Variants in FAM13C observed in about 807,000 individuals in gnomAD.
The protein encoded by FAM13C is protein FAM13C.
In FAM13C, 37 loss-of-function variants were observed where a neutral mutation model predicts 73.2. That is an observed-to-expected ratio of 0.51 (90% confidence interval 0.39 to 0.67). The LOEUF (loss-of-function observed/expected upper bound fraction) is 0.67, where lower values mean the gene tolerates loss of function less well. FAM13C is among the 30% of genes least tolerant of loss of function. The pLI is 0.00. For missense variants in FAM13C, 589 were observed against 715.6 expected (o/e 0.82, Z 2.02); for synonymous variants, 246 against 260.9 (o/e 0.94, Z 0.55).
chr10:59,346,096 T>A (rs1241279497), intron 3 of FAM13C, among the ~76,000 whole-genome samples: 1 of 152,208 alleles, frequency 6.6e-6, no homozygotes, highest in Non-Finnish European at 1.5e-5. Flanking sequence ...CTGGTTTTCT[T>A]GCTTTTACTG....
At chr10:59,343,674 C>T (rs779203891) in intron 3 of FAM13C, among the ~76,000 whole-genome samples, 6 of 152,180 alleles carry the variant, frequency 3.9e-5, no homozygotes, top group Non-Finnish European at 8.8e-5. Context: ...AAAAATCTTG[C>T]TCTCTAACTT....
intron 4 of FAM13C, among the ~76,000 whole-genome samples, chr10:59,310,991 G>A (rs1018757387): frequency 2.6e-5 from 4 of 152,180 alleles, no homozygotes; most frequent in Non-Finnish European, 4.4e-5. Flanking sequence ...TGGCTAAAAC[G>A]TGCAAGGGAG....
chr10:59,279,766 G>T, intron 6 of FAM13C, among the ~76,000 whole-genome samples: 1 of 152,234 alleles, frequency 6.6e-6, no homozygotes, highest in Middle Eastern at 3.2e-3. Context: ...GATAGAGTTA[G>T]AGGTATTTTG....
intron 5 of FAM13C, among the ~76,000 whole-genome samples, chr10:59,289,582 G>A (rs568675888): frequency 7.9e-5 from 12 of 152,286 alleles, no homozygotes; most frequent in Middle Eastern, 3.4e-3. Context: ...CCCCTTCCTC[G>A]TGGGGCTTCC....
At chr10:59,267,202 G>A (rs181581561) in intron 8 of FAM13C, among the ~76,000 whole-genome samples, 1 of 152,194 alleles carries the variant, frequency 6.6e-6, no homozygotes, top group African/African-American at 2.4e-5. Flanking sequence ...CCAATACGAG[G>A]ACATCATAGA....
intron 2 of FAM13C, among the ~76,000 whole-genome samples, chr10:59,354,731 G>GT (rs1855499843): frequency 6.6e-6 from 1 of 152,030 alleles, no homozygotes; most frequent in African/African-American, 2.4e-5. Flanking sequence ...GTTCTTTTTG[G>GT]TTTCTCTGAT....
intron 5 of FAM13C, among the ~76,000 whole-genome samples, chr10:59,302,224 C>T (rs1589522664): frequency 6.6e-6 from 1 of 152,186 alleles, no homozygotes; most frequent in African/African-American, 2.4e-5. Context: ...AATTATATTA[C>T]ATTAATTTCA....
At chr10:59,341,604 G>A (rs138609706) in intron 3 of FAM13C, among the ~76,000 whole-genome samples, 2,421 of 152,226 alleles carry the variant, frequency 0.016, 38 homozygotes, top group Non-Finnish European at 0.023. Context: ...CAGGAGAATC[G>A]CTTGAACCCG....
intron 6 of FAM13C, among the ~76,000 whole-genome samples, chr10:59,270,758 A>G (rs889470284): frequency 1.3e-5 from 2 of 152,232 alleles, no homozygotes; most frequent in South Asian, 2.1e-4. Context: ...TAAAAGATCA[A>G]AGAGGTTACA....
intron 5 of FAM13C, among the ~76,000 whole-genome samples, chr10:59,294,456 C>A (rs1028291054): frequency 6.6e-6 from 1 of 152,166 alleles, no homozygotes; most frequent in Non-Finnish European, 1.5e-5. Flanking sequence ...AGCCCAACAC[C>A]TCTGATGCTT....
Position 59,248,522 on chromosome 10 carries a change from C to T in FAM13C, c.1635-785G>A, listed in dbSNP as rs550177021. ...AAACGTTTTCTAAAGGGAAAAATTGCGACAGGGTCTCAGAAGGCTCTTGTT... is the reference window on the plus strand; with the variant it reads ...AAACGTTTTCTAAAGGGAAAAATTGTGACAGGGTCTCAGAAGGCTCTTGTT... On this transcript the variant is annotated intron_variant, in intron 13 of 13. Coordinates refer to ENST00000618804, the MANE Select transcript of FAM13C (RefSeq NM_198215.4). Among the ~76,000 whole-genome samples the T allele has an allele frequency of 8.5e-5, 13 of 152,204 alleles. No individual in the cohort carries two copies. The East Asian group carries it at 1.4e-3, about 16-fold the overall frequency.
intron 4 of FAM13C, among the ~76,000 whole-genome samples, chr10:59,309,847 A>G (rs936503821): frequency 6.6e-6 from 1 of 152,196 alleles, no homozygotes; most frequent in Non-Finnish European, 1.5e-5. Context: ...AGGCACTCAT[A>G]TGTTTGTAAA....
At chr10:59,329,267 G>T (rs1851603736) in intron 3 of FAM13C, among the ~76,000 whole-genome samples, 1 of 150,498 alleles carries the variant, frequency 6.6e-6, no homozygotes, top group African/African-American at 2.4e-5. Context: ...GCAGGCATAG[G>T]CTCAAAATCC....
intron 3 of FAM13C, among the ~76,000 whole-genome samples, chr10:59,345,845 G>A (rs1201718431): frequency 6.6e-6 from 1 of 152,168 alleles, no homozygotes; most frequent in African/African-American, 2.4e-5. Context: ...AGTAAAACAT[G>A]TAAACTGGAG....
At chr10:59,296,215 G>A (rs1043558528) in intron 5 of FAM13C, among the ~76,000 whole-genome samples, 1 of 152,130 alleles carries the variant, frequency 6.6e-6, no homozygotes, top group Non-Finnish European at 1.5e-5. Context: ...GCTTGACATG[G>A]TTTGATGCCA....
intron 4 of FAM13C, among the ~76,000 whole-genome samples, chr10:59,305,749 A>C (rs1302116542): frequency 6.6e-6 from 1 of 152,236 alleles, no homozygotes; most frequent in Admixed American, 6.5e-5. Context: ...GCCTGAACAA[A>C]CCAGCATTTC....
intron 13 of FAM13C, among the ~76,000 whole-genome samples, chr10:59,249,657 A>G (rs1841180063): frequency 6.6e-6 from 1 of 152,184 alleles, no homozygotes; most frequent in African/African-American, 2.4e-5. Context: ...TAACTTATGG[A>G]TGCTTAGGCC....
At chr10:59,343,471 A>G (rs146333497) in intron 3 of FAM13C, among the ~76,000 whole-genome samples, 1 of 152,318 alleles carries the variant, frequency 6.6e-6, no homozygotes, top group African/African-American at 2.4e-5. Context: ...AGGATGTGGA[A>G]GTCATTAGTG....
Position 59,355,920 on chromosome 10 carries a change from A to G in FAM13C, c.86T>C (p.Leu29Pro). The change falls in exon 2 of 14, where the codon CTA becomes CCA. Residue 29 changes from leucine to proline, a missense_variant. Coordinates refer to ENST00000618804, the MANE Select transcript of FAM13C (RefSeq NM_198215.4). Reference sequence around the variant, plus strand: ...GGAGCAATCAGTCTGGTCTTCATGTAGAGAGACTGGATCTTCGTCACACCT... The same window carrying G: ...GGAGCAATCAGTCTGGTCTTCATGTGGAGAGACTGGATCTTCGTCACACCT... ...VTECDEDPVS[L>P]HEDQTDCSSL... is the part of the protein sequence containing the mutation. The G allele has an allele frequency of 4.3e-6, 7 of 1,614,050 alleles. No individual in the cohort carries two copies. Among genetic ancestry groups the G allele is most frequent in the Non-Finnish European group, 5.1e-6 (6 of 1,179,912 alleles).
Sources: allele counts gnomAD v4.1 joint callset (sites outside exome capture counted in the v4.1 genomes callset), GRCh38; gene constraint gnomAD v4.1.1; transcripts MANE v1.5; gene names NCBI Gene and HGNC (gene_info 2026-07-23, HGNC 2026-07-21).